The following EPS8 variants were observed in gnomAD, a reference collection of about 807,000 sequenced individuals.
EPS8 encodes the protein epidermal growth factor receptor kinase substrate 8.
EPS8 carries 42 observed loss-of-function variants against 103.8 expected under a neutral mutation model. The ratio of observed to expected loss-of-function variants is 0.40; its 90% CI spans 0.32 to 0.52. The LOEUF (loss-of-function observed/expected upper bound fraction) is 0.52, where lower values mean the gene tolerates loss of function less well. Among genes scored for constraint, EPS8 ranks in the 20% least tolerant of loss-of-function variants. EPS8 has a pLI of 0.40. For synonymous variants in EPS8, 344 were observed against 344.6 expected (o/e 1.00, Z 0.02); for missense variants, 969 against 1,005.1 (o/e 0.96, Z 0.49).
chr12:15,687,216 A>C (rs1383032724), intron 1 of EPS8, among the ~76,000 whole-genome samples: 1 of 152,124 alleles, frequency 6.6e-6, no homozygotes, highest in Non-Finnish European at 1.5e-5. Context: ...TCTTTCCAGT[A>C]CCATTGGTAA....
intron 1 of EPS8, among the ~76,000 whole-genome samples, chr12:15,723,573 G>A (rs1175261575): frequency 6.6e-6 from 1 of 152,000 alleles, no homozygotes; most frequent in African/African-American, 2.4e-5. Flanking sequence ...TTGGATTTAT[G>A]TTTTCACTGT....
intron 1 of EPS8, among the ~76,000 whole-genome samples, chr12:15,740,108 T>G (rs1198536686): frequency 1.3e-5 from 2 of 152,094 alleles, no homozygotes; most frequent in African/African-American, 4.8e-5. Context: ...AGAAATCTTG[T>G]GAGCAAAACA....
At chr12:15,673,010 T>C (rs1416123103) in intron 3 of EPS8, among the ~76,000 whole-genome samples, 1 of 152,254 alleles carries the variant, frequency 6.6e-6, no homozygotes, top group East Asian at 1.9e-4. Flanking sequence ...TCTATTTAGA[T>C]ATTCTCATTA....
intron 8 of EPS8, 70 bp from the exon 9 acceptor site, chr12:15,662,169 T>C (rs1391497588): frequency 1.3e-6 from 2 of 1,562,534 alleles, no homozygotes; most frequent in Non-Finnish European, 1.8e-6. Flanking sequence ...AATTAAAACA[T>C]AAAAATTAGT....
chr12:15,763,066 A>T (rs936857551), intron 1 of EPS8, among the ~76,000 whole-genome samples: 4 of 152,192 alleles, frequency 2.6e-5, no homozygotes, highest in Non-Finnish European at 5.9e-5. Context: ...TACACCTTTT[A>T]TATACCCACA....
chr12:15,635,364 A>G (rs927536757), intron 17 of EPS8, among the ~76,000 whole-genome samples: 2 of 152,212 alleles, frequency 1.3e-5, no homozygotes, highest in Non-Finnish European at 2.9e-5. Flanking sequence ...GTGACAGAAT[A>G]AAAAGTAAAC....
At chr12:15,659,194 T>C (rs1437898218) in intron 10 of EPS8, among the ~76,000 whole-genome samples, 1 of 151,988 alleles carries the variant, frequency 6.6e-6, no homozygotes, top group Admixed American at 6.6e-5. Flanking sequence ...GTGGATAACC[T>C]TGATTTCCAG....
At position 15,621,327 on chromosome 12, in the gene EPS8, C is replaced by T. The variant is rs559039143; in HGVS notation, c.2459G>A (p.Ser820Asn). ...DSGVESFDEG[S>N]SH The stretch of plus-strand genomic sequence containing the variant: ...ATACAAACAAACAAATTAGTGACTG[C>T]TTCCTTCATCAAAAGATTCCACTCC... The change falls in exon 21 of 21, where the codon AGC (serine) becomes AAC (asparagine). Residue 820 changes from serine to asparagine, a missense_variant. Transcript: ENST00000281172. 1.8e-5 allele frequency: 28 copies of T among 1,563,564 alleles called. No homozygotes were observed. Among genetic ancestry groups the T allele is most frequent in the South Asian group, 8.3e-5 (7 of 84,486 alleles).
chr12:15,753,033 T>C (rs1362908025), intron 1 of EPS8, among the ~76,000 whole-genome samples: 1 of 151,548 alleles, frequency 6.6e-6, no homozygotes, highest in Non-Finnish European at 1.5e-5. Flanking sequence ...AGCAACTAGA[T>C]CCTTCAGAAA....
rs1249615905 is a variant in EPS8 at position 15,779,653 on chromosome 12, A to T, written c.-22+9508T>A. Among the ~76,000 whole-genome samples the T allele has an allele frequency of 1.3e-5, 2 of 152,202 alleles. No homozygotes were observed. The highest frequency in any genetic ancestry group is 4.8e-5 in the African/African-American group (2 of 41,458). On this transcript the variant is annotated intron_variant, in intron 1 of 20. Transcript: ENST00000281172. This position sits in a 1 kb window ranked among gnomAD's most constrained non-coding sequence, Gnocchi z 4.3. ...ACAGAAGATAATTCAACAGCCCTCA[A>T]TAAGGGACTTGAAAAATGTTTCTCC...
At chr12:15,657,064 T>C (rs1945519914) in intron 12 of EPS8, among the ~76,000 whole-genome samples, 1 of 152,158 alleles carries the variant, frequency 6.6e-6, no homozygotes, top group Non-Finnish European at 1.5e-5. Context: ...AACTCTTCAG[T>C]TGTCAAAGGT....
chr12:15,696,382 C>A lies in EPS8; in HGVS notation c.-21-13410G>T, dbSNP rs1946243468. 6.6e-6 allele frequency among the ~76,000 whole-genome samples: 1 copy of A among 152,152 alleles called. No individual in the cohort carries two copies. Among genetic ancestry groups the A allele is most frequent in the African/African-American group, 2.4e-5 (1 of 41,434 alleles). On this transcript the variant is annotated intron_variant, in intron 1 of 20. Coordinates refer to ENST00000281172, the MANE Select transcript of EPS8 (RefSeq NM_004447.6). This position sits in a 1 kb window ranked among gnomAD's most constrained non-coding sequence, Gnocchi z 4.8. ...CTTGGCCGGGTGCAGTGGCTCACAA[C>A]TGTAATCCCAGCACTTTGGGAGGCC...
chr12:15,620,560 C>G lies in EPS8; in HGVS notation c.*757G>C, dbSNP rs531794767. The G allele has an allele frequency of 6.5e-6, 1 of 152,722 alleles. No homozygotes were observed. The highest frequency in any genetic ancestry group is 1.5e-5 in the Non-Finnish European group (1 of 68,040). 9.5% of individuals were successfully genotyped at this position (152,722 alleles called of 1,614,324 possible). On this transcript the variant is annotated 3_prime_UTR_variant, in exon 21 of 21. Transcript: ENST00000281172. ...CAAAATACTGTAATGCACACCAATGCAGACTACTTCCTTTGCTAGATTTTG... is the reference window on the plus strand; with the variant it reads ...CAAAATACTGTAATGCACACCAATGGAGACTACTTCCTTTGCTAGATTTTG...
At chr12:15,715,515 G>A (rs1946522934) in intron 1 of EPS8, among the ~76,000 whole-genome samples, 1 of 149,230 alleles carries the variant, frequency 6.7e-6, no homozygotes. Context: ...CTCCCGAATA[G>A]CTGGGACTAC....
chr12:15,687,732 T>A (rs1946115013), intron 1 of EPS8, among the ~76,000 whole-genome samples: 1 of 152,208 alleles, frequency 6.6e-6, no homozygotes, highest in Non-Finnish European at 1.5e-5. Context: ...ACTATTATAT[T>A]TCCCTCCAGT....
rs1275056940 is a variant in EPS8 at position 15,767,677 on chromosome 12, AGATATGTCTTCT to A, written c.-22+21472_-22+21483del. On this transcript the variant is annotated intron_variant, in intron 1 of 20. Coordinates refer to ENST00000281172, the MANE Select transcript of EPS8 (RefSeq NM_004447.6). This position sits in a 1 kb window ranked among gnomAD's most constrained non-coding sequence, Gnocchi z 5.5. ...AACACTAAATATTTGTTTCAAACTG[AGATATGTCTTCT>A]TCTCTGCTAAACATGGTTGTTAGAA... 1.3e-5 allele frequency among the ~76,000 whole-genome samples: 2 copies of A among 152,226 alleles called. No individual in the cohort carries two copies. The highest frequency in any genetic ancestry group is 4.8e-5 in the African/African-American group (2 of 41,456).
rs1324783183 is a variant in EPS8 at position 15,751,399 on chromosome 12, C to T, written c.-22+37762G>A. 6.6e-6 allele frequency among the ~76,000 whole-genome samples: 1 copy of T among 152,124 alleles called. No individual in the cohort carries two copies. Among genetic ancestry groups the T allele is most frequent in the African/African-American group, 2.4e-5 (1 of 41,404 alleles). On this transcript the variant is annotated intron_variant, in intron 1 of 20. Transcript: ENST00000281172. This position sits in a 1 kb window ranked among gnomAD's most constrained non-coding sequence, Gnocchi z 4.3. ...CACATTATCAATTTCTGCCTTCTAG[C>T]CTCAACGCCACTGATCCCAACATTT...
Position 15,647,245 on chromosome 12 carries a change from C to G in EPS8, c.1450G>C (p.Glu484Gln), listed in dbSNP as rs1394689380. 6.2e-7 allele frequency: 1 copy of G among 1,612,338 alleles called. No homozygotes were observed. The change falls in exon 15 of 21, where the codon GAG becomes CAG. Residue 484 changes from glutamate to glutamine, a missense_variant. By Grantham distance (29) the Glu-to-Gln change is conservative. Coordinates refer to ENST00000281172, the MANE Select transcript of EPS8 (RefSeq NM_004447.6). ...RLSTEHSSVS[E>Q]YHPADGYAFS... ...GCATAGCCATCGGCTGGATGATACT[C>G]TGATACACTGGAATGCTGAAAGACA... is the stretch of plus-strand genomic sequence containing the variant.
At chr12:15,746,199 A>T (rs972885179) in intron 1 of EPS8, among the ~76,000 whole-genome samples, 3 of 152,220 alleles carry the variant, frequency 2.0e-5, no homozygotes, top group Non-Finnish European at 2.9e-5. Context: ...AACTGCCCTC[A>T]GTAGCACTGT....
Sources: allele counts gnomAD v4.1 joint callset (sites outside exome capture counted in the v4.1 genomes callset), GRCh38; gene constraint gnomAD v4.1.1; non-coding constraint Gnocchi (gnomAD v3.1); transcripts MANE v1.5; gene names NCBI Gene and HGNC (gene_info 2026-07-23, HGNC 2026-07-21).